The following EHBP1 variants were observed in gnomAD, a reference collection of about 807,000 sequenced individuals.
The protein encoded by EHBP1 is EH domain binding protein 1, also known as EH domain-binding protein 1.
In EHBP1, 55 loss-of-function variants were observed where a neutral mutation model predicts 144.0. The ratio of observed to expected loss-of-function variants is 0.38; its 90% CI spans 0.31 to 0.48. The LOEUF (loss-of-function observed/expected upper bound fraction) is 0.48, where lower values mean the gene tolerates loss of function less well. EHBP1 is among the 20% of genes least tolerant of loss of function. The probability of loss-of-function intolerance (pLI) is 0.98; values close to 1 mark genes in which losing one functional copy is unlikely to be tolerated. For missense variants in EHBP1, 1,200 were observed against 1,364.2 expected (o/e 0.88, Z 1.90); for synonymous variants, 469 against 472.7 (o/e 0.99, Z 0.10).
intron 16 of EHBP1, among the ~76,000 whole-genome samples, chr2:62,991,379 A>C (rs190730673): frequency 6.6e-6 from 1 of 152,168 alleles, no homozygotes; most frequent in African/African-American, 2.4e-5. Context: ...TCAAGTAAAA[A>C]TAGAGGCAAT....
intron 7 of EHBP1, among the ~76,000 whole-genome samples, chr2:62,836,039 G>A (rs2047215105): frequency 6.6e-6 from 1 of 152,016 alleles, no homozygotes; most frequent in Non-Finnish European, 1.5e-5. Context: ...TCTGGGGGCA[G>A]GGCACAGACA....
intron 4 of EHBP1, among the ~76,000 whole-genome samples, chr2:62,766,638 G>A (rs902348751): frequency 7.9e-5 from 12 of 152,030 alleles, no homozygotes; most frequent in African/African-American, 2.4e-4. Context: ...ACTTTTCTCT[G>A]TTTCTTGTAC....
At chr2:62,858,968 T>C (rs1202849888) in intron 7 of EHBP1, among the ~76,000 whole-genome samples, 4 of 152,238 alleles carry the variant, frequency 2.6e-5, no homozygotes. Context: ...TTTCAATTAA[T>C]ACTCAAATGT....
intron 1 of EHBP1, among the ~76,000 whole-genome samples, chr2:62,679,306 A>G (rs1222959324): frequency 1.3e-5 from 2 of 152,232 alleles, no homozygotes; most frequent in Non-Finnish European, 2.9e-5. Context: ...CATAAATACC[A>G]TAAGCTTGAC....
At chr2:62,962,054 G>A (rs1397067359) in intron 14 of EHBP1, among the ~76,000 whole-genome samples, 1 of 152,164 alleles carries the variant, frequency 6.6e-6, no homozygotes, top group Non-Finnish European at 1.5e-5. Flanking sequence ...ACTGGGTGTG[G>A]TGGCCCACGC....
intron 19 of EHBP1, among the ~76,000 whole-genome samples, chr2:63,012,980 A>G (rs560665079): frequency 2.6e-5 from 4 of 152,282 alleles, no homozygotes; most frequent in African/African-American, 9.6e-5. Flanking sequence ...AAGAAGAGGA[A>G]AAAAGAAAAG....
At chr2:62,752,576 G>T (rs571708911) in intron 3 of EHBP1, among the ~76,000 whole-genome samples, 2 of 152,224 alleles carry the variant, frequency 1.3e-5, no homozygotes, top group African/African-American at 2.4e-5. Context: ...GTTGACAGTG[G>T]GGTGTTGAAG....
rs370069096 is a variant in EHBP1 at position 62,940,776 on chromosome 2, A to G, written c.1186-1942A>G. On this transcript the variant is annotated intron_variant, in intron 10 of 22. Coordinates refer to ENST00000431489, the MANE Select transcript of EHBP1 (RefSeq NM_001142616.3). ...GACTTCTTTTTGTTGGAAGTACAGT[A>G]AGCATCCCTTAATACAAGGCTTTTA... Among the ~76,000 whole-genome samples the G allele has an allele frequency of 2.0e-5, 3 of 152,126 alleles. No homozygotes were observed. The East Asian group carries it at 5.8e-4, about 29-fold the overall frequency.
At chr2:62,966,239 G>A (rs2058240566) in intron 14 of EHBP1, among the ~76,000 whole-genome samples, 1 of 152,096 alleles carries the variant, frequency 6.6e-6, no homozygotes, top group African/African-American at 2.4e-5. Flanking sequence ...ACCTCTTAGA[G>A]GGGGGAGTTT....
intron 15 of EHBP1, among the ~76,000 whole-genome samples, chr2:62,990,080 A>C (rs2059353401): frequency 6.6e-6 from 1 of 152,114 alleles, no homozygotes; most frequent in African/African-American, 2.4e-5. Flanking sequence ...GTTTCTACTC[A>C]TTTTGAACTA....
At chr2:62,922,660 A>G (rs79488542) in intron 10 of EHBP1, among the ~76,000 whole-genome samples, 2,226 of 152,314 alleles carry the variant, frequency 0.015, 27 homozygotes, top group Non-Finnish European at 0.022. Flanking sequence ...GAATAAATAC[A>G]AGGAATAAAT....
intron 19 of EHBP1, among the ~76,000 whole-genome samples, chr2:63,008,659 T>C (rs570396040): frequency 6.6e-6 from 1 of 151,082 alleles, no homozygotes; most frequent in Admixed American, 6.6e-5. Flanking sequence ...GCCTTTTAGT[T>C]TTCCGTTTGC....
chr2:63,014,530 A>G (rs947058139), intron 19 of EHBP1, among the ~76,000 whole-genome samples: 1 of 152,182 alleles, frequency 6.6e-6, no homozygotes, highest in African/African-American at 2.4e-5. Flanking sequence ...TTAATTATGT[A>G]TTTATAAGGA....
chr2:62,943,982 C>T (rs1479076216), intron 12 of EHBP1, 132 bp downstream of exon 12: 8 of 567,318 alleles, frequency 1.4e-5, no homozygotes, highest in East Asian at 3.1e-5. Context: ...CTGCTTACTG[C>T]GGTTCATTAG....
At chr2:62,729,637 A>ATAAT in intron 2 of EHBP1, among the ~76,000 whole-genome samples, 1 of 137,752 alleles carries the variant, frequency 7.3e-6, no homozygotes, top group African/African-American at 2.6e-5. Flanking sequence ...AATAAAATAA[A>ATAAT]ATAATATAAT....
chr2:62,829,842 G>T (rs950554316), intron 6 of EHBP1, among the ~76,000 whole-genome samples: 1 of 148,756 alleles, frequency 6.7e-6, no homozygotes, highest in Non-Finnish European at 1.5e-5. Context: ...AAAAAAAATA[G>T]ATATTGACAT....
intron 2 of EHBP1, among the ~76,000 whole-genome samples, chr2:62,711,387 G>T (rs952805667): frequency 2.6e-5 from 4 of 152,154 alleles, no homozygotes; most frequent in Admixed American, 2.6e-4. Context: ...TTTGGCCTGA[G>T]CAACCAGGTG....
chr2:62,726,876 T>G (rs1204186671), intron 2 of EHBP1: 1 of 152,202 alleles, frequency 6.6e-6, no homozygotes, highest in Non-Finnish European at 1.5e-5. Flanking sequence ...TATTTTTTTT[T>G]TTTCGAGACG....
intron 1 of EHBP1, among the ~76,000 whole-genome samples, chr2:62,689,450 C>T: frequency 6.6e-6 from 1 of 152,162 alleles, no homozygotes; most frequent in Non-Finnish European, 1.5e-5. Flanking sequence ...CAAGACCTGC[C>T]TGGGCAACAC....
Sources: allele counts gnomAD v4.1 joint callset (sites outside exome capture counted in the v4.1 genomes callset), GRCh38; gene constraint gnomAD v4.1.1; transcripts MANE v1.5; gene names NCBI Gene and HGNC (gene_info 2026-07-23, HGNC 2026-07-21).